The following FREM2 variants were observed in gnomAD, a reference collection of about 807,000 sequenced individuals.
FREM2 encodes FRAS1 related extracellular matrix 2.
FREM2 carries 119 observed loss-of-function variants against 219.9 expected under a neutral mutation model. That is an observed-to-expected ratio of 0.54 (90% CI 0.47 to 0.63). The LOEUF is 0.63. Ranked by LOEUF, FREM2 falls within the 30% of genes least tolerant of loss-of-function variation. The pLI is 0.00. For missense variants in FREM2, 4,030 were observed against 3,993.6 expected (o/e 1.01, Z -0.25); for synonymous variants, 1,562 against 1,522.8 (o/e 1.03, Z -0.60).
chr13:38,720,022 A>G (rs1156988512), intron 2 of FREM2, among the ~76,000 whole-genome samples: 3 of 152,192 alleles, frequency 2.0e-5, no homozygotes, highest in Non-Finnish European at 4.4e-5. Flanking sequence ...TACCAACAAC[A>G]TATTAAGTAC....
At chr13:38,726,095 C>G (rs910822032) in intron 2 of FREM2, among the ~76,000 whole-genome samples, 3 of 152,106 alleles carry the variant, frequency 2.0e-5, no homozygotes, top group Non-Finnish European at 4.4e-5. Flanking sequence ...CATGGAGAGG[C>G]ACCGGTGTTG....
intron 2 of FREM2, among the ~76,000 whole-genome samples, chr13:38,730,640 C>A (rs770645219): frequency 1.3e-5 from 2 of 152,202 alleles, no homozygotes; most frequent in African/African-American, 2.4e-5. Context: ...CTCACTCCCA[C>A]CTTCCTCCAA....
intron 1 of FREM2, among the ~76,000 whole-genome samples, chr13:38,693,518 G>A (rs1392940727): frequency 1.3e-5 from 2 of 152,130 alleles, no homozygotes; most frequent in Non-Finnish European, 2.9e-5. Context: ...CACTATACTG[G>A]CTTGGGAGTC....
chr13:38,769,080 T>C (rs1873551947), intron 3 of FREM2, among the ~76,000 whole-genome samples: 3 of 152,238 alleles, frequency 2.0e-5, no homozygotes. Context: ...TAGAGAATAC[T>C]ATCACTTTTT....
chr13:38,740,354 G>A (rs1872193534), intron 2 of FREM2, among the ~76,000 whole-genome samples: 1 of 152,128 alleles, frequency 6.6e-6, no homozygotes, highest in South Asian at 2.1e-4. Context: ...ATAAGAAAGT[G>A]ATAGTAAACT....
At position 38,872,814 on chromosome 13, in the gene FREM2, G is replaced by T. The variant is rs144935150; in HGVS notation, c.8056G>T (p.Val2686Leu). 1 of 1,613,982 alleles carries T rather than the reference G, an allele frequency of 6.2e-7. No homozygotes were observed. The highest frequency in any genetic ancestry group is 8.5e-7 in the Non-Finnish European group (1 of 1,179,892). The change falls in exon 17 of 24, where the codon GTG (valine) becomes TTG (leucine). Residue 2686 changes from valine (V) to leucine (L), a missense_variant. Physicochemically the swap from Val to Leu is conservative, Grantham distance 32. Coordinates refer to ENST00000280481, the MANE Select transcript of FREM2 (RefSeq NM_207361.6). The stretch of plus-strand genomic sequence containing the variant: ...TGTTTCCTACGTGTTCCATTCCCCC[G>T]TGGGGGTAGGAGGCTGGCAGCATTT... The part of the protein sequence containing the change: ...LYVSYVFHSP[V>L]GVGGWQHFDL...
At chr13:38,814,954 C>G (rs575283450) in intron 6 of FREM2, among the ~76,000 whole-genome samples, 1 of 152,142 alleles carries the variant, frequency 6.6e-6, no homozygotes, top group Non-Finnish European at 1.5e-5. Flanking sequence ...AGGACTCAGC[C>G]TTCAGGACAG....
At chr13:38,849,086 C>T (rs1365958872) in intron 8 of FREM2, among the ~76,000 whole-genome samples, 1 of 152,134 alleles carries the variant, frequency 6.6e-6, no homozygotes, top group Non-Finnish European at 1.5e-5. Flanking sequence ...TGTCAAGACC[C>T]AGCCTACCAA....
Position 38,697,752 on chromosome 13 carries a change from C to T in FREM2, c.5228C>T (p.Thr1743Ile). 6.2e-7 allele frequency: 1 copy of T among 1,609,394 alleles called. No homozygotes were observed. The highest frequency in any genetic ancestry group is 8.5e-7 in the Non-Finnish European group (1 of 1,175,752). The stretch of plus-strand genomic sequence containing the variant: ...GTCTTAAGAGAAGGGGCTAATGCCA[C>T]AAGTGATATGTTCTATTTTGCAGTT... Reference protein sequence around the residue: ...CYVLREGANATSDMFYFAVED... With the variant: ...CYVLREGANAISDMFYFAVED... Residue 1743 changes from threonine to isoleucine, a missense_variant, in exon 2 of 24, where the codon ACA becomes ATA. Around this residue, in one of 2 missense-constraint regions of FREM2, gnomAD observed 3,102 missense variants for 2,950.7 expected, o/e 1.05. Transcript: ENST00000280481.
At chr13:38,721,147 C>A (rs1247658528) in intron 2 of FREM2, among the ~76,000 whole-genome samples, 1 of 151,844 alleles carries the variant, frequency 6.6e-6, no homozygotes, top group Non-Finnish European at 1.5e-5. Context: ...GCACATGTAC[C>A]CTGGAACTTA....
Position 38,784,495 on chromosome 13 carries a change from G to A in FREM2, c.5768-62G>A, listed in dbSNP as rs1874245068. ...AAATGCTGTGTATGAAAATAATTGT[G>A]TCTGGAAATATCTTTGTCTTATGTT... On this transcript the variant is annotated intron_variant, in intron 5 of 23. Coordinates refer to ENST00000280481, the MANE Select transcript of FREM2 (RefSeq NM_207361.6). 18 of 1,582,472 alleles carry A rather than the reference G, an allele frequency of 1.1e-5. No homozygotes were observed. The Admixed American group carries it at 2.8e-4, about 25-fold the overall frequency.
chr13:38,778,051 A>T (rs1441949023), intron 4 of FREM2, among the ~76,000 whole-genome samples: 1 of 152,210 alleles, frequency 6.6e-6, no homozygotes, highest in Non-Finnish European at 1.5e-5. Flanking sequence ...AAGAATCAAA[A>T]CTCAGGTGCT....
chr13:38,708,068 A>G (rs1429445927), intron 2 of FREM2, among the ~76,000 whole-genome samples: 1 of 152,218 alleles, frequency 6.6e-6, no homozygotes, highest in African/African-American at 2.4e-5. Flanking sequence ...TTTATCTTAA[A>G]TGACGTAACA....
intron 2 of FREM2, among the ~76,000 whole-genome samples, chr13:38,724,667 G>A (rs1339942013): frequency 6.6e-6 from 1 of 152,140 alleles, no homozygotes; most frequent in Non-Finnish European, 1.5e-5. Context: ...CTGATTTCAG[G>A]GGTAGTTAGA....
At chr13:38,850,281 AT>A in intron 9 of FREM2, 46 bp downstream of exon 9, 1 of 1,471,256 alleles carries the variant, frequency 6.8e-7, no homozygotes, top group Non-Finnish European at 9.5e-7. Flanking sequence ...AAGAAGCCGA[AT>A]TTTTACTCAG....
intron 6 of FREM2, among the ~76,000 whole-genome samples, chr13:38,808,860 C>T (rs1490153326): frequency 6.6e-6 from 1 of 151,798 alleles, no homozygotes; most frequent in Non-Finnish European, 1.5e-5. Flanking sequence ...ACTTGCTTGC[C>T]ACAGGTCTTC....
intron 12 of FREM2, among the ~76,000 whole-genome samples, chr13:38,856,883 T>G (rs1877582979): frequency 6.6e-6 from 1 of 152,120 alleles, no homozygotes; most frequent in South Asian, 2.1e-4. Context: ...TGTATTAATT[T>G]TTTATGTCTT....
chr13:38,749,340 A>G (rs960006896), intron 2 of FREM2, among the ~76,000 whole-genome samples: 1 of 152,232 alleles, frequency 6.6e-6, no homozygotes, highest in Non-Finnish European at 1.5e-5. Flanking sequence ...AAACTTTTCC[A>G]CATCAATGAT....
In FREM2 at chr13:38,691,673, A is replaced by G. The variant is rs768792524; in HGVS notation, c.4329A>G (p.Leu1443=). The stretch of plus-strand genomic sequence containing the variant: ...GCAAAGTCACTCTTACAACAGACCT[A>G]CTAAGCACTAGTGACTTGAACAGTC... ...EGGKVTLTTD[L]LSTSDLNSPD... The change falls in exon 1 of 24, where the codon CTA becomes CTG. Residue 1443 remains leucine, a synonymous_variant. Coordinates refer to ENST00000280481, the MANE Select transcript of FREM2 (RefSeq NM_207361.6). The G allele has an allele frequency of 1.1e-5, 18 of 1,614,154 alleles. No individual in the cohort carries two copies. The highest frequency in any genetic ancestry group is 3.3e-5 in the South Asian group (3 of 91,078).
Sources: allele counts gnomAD v4.1 joint callset (sites outside exome capture counted in the v4.1 genomes callset), GRCh38; gene constraint gnomAD v4.1.1; regional missense constraint gnomAD v4.1.1; transcripts MANE v1.5; gene names NCBI Gene and HGNC (gene_info 2026-07-23, HGNC 2026-07-21).